SPN: variants seen among roughly 807,000 people sequenced by gnomAD.
The protein encoded by SPN is leukosialin.
SPN carries 6 observed loss-of-function variants against 8.4 expected under a neutral mutation model. The ratio of observed to expected loss-of-function variants is 0.72; its 90% CI spans 0.39 to 1.42. The LOEUF is 1.42. Among genes scored for constraint, SPN ranks in the 40% most tolerant of loss-of-function variants. SPN has a pLI of 0.02. For synonymous variants in SPN, 201 were observed against 222.6 expected, an observed-to-expected ratio of 0.90 and a Z score of 0.86; for missense variants, 517 against 530.6, an observed-to-expected ratio of 0.97 and a Z score of 0.25.
chr16:29,663,858 A>G lies in SPN; in HGVS notation c.130A>G (p.Met44Val). The G allele has an allele frequency of 6.2e-7, 1 of 1,614,118 alleles. No homozygotes were observed. Among genetic ancestry groups the G allele is most frequent in the African/African-American group, 1.3e-5 (1 of 75,024 alleles). The change falls in exon 2 of 2, where the codon ATG (methionine) becomes GTG (valine). Residue 44 changes from methionine (M) to valine (V), a missense_variant. Met to Val is a conservative substitution (Grantham distance 21). Transcript: ENST00000652691. The surrounding 1 kb of genome is among the most constrained non-coding windows in gnomAD (Gnocchi z 4.3). ...VSTSEPLSSK[M>V]YTTSITSDPK... The stretch of plus-strand genomic sequence containing the variant: ...TACTAGCGAGCCCCTGAGCTCAAAG[A>G]TGTACACCACTTCAATAACAAGTGA...
Position 29,664,343 on chromosome 16 carries a change from T to C in SPN, c.615T>C (p.Val205=), listed in dbSNP as rs374084937. The C allele has an allele frequency of 1.2e-6, 2 of 1,613,476 alleles. No individual in the cohort carries two copies. The highest frequency in any genetic ancestry group is 1.7e-6 in the Non-Finnish European group (2 of 1,179,990). The change falls in exon 2 of 2, where the codon GTT becomes GTC. Residue 205 remains valine, a synonymous_variant. Transcript: ENST00000652691. The surrounding 1 kb of genome is among the most constrained non-coding windows in gnomAD (Gnocchi z 6.4). ...CCACTGGGACCACTGGACCCCCTGT[T>C]ACCATGACAACTGGCTCTCTGGAGC... is the stretch of plus-strand genomic sequence containing the variant. ...ETSTGTTGPP[V]TMTTGSLEPS... is the part of the protein sequence containing the mutation.
Position 29,666,560 on chromosome 16 carries a change from GCGCGCGCGCT to G in SPN, c.*1631_*1640del, listed in dbSNP as rs1966819047. 1 of 220,262 alleles carries G rather than the reference GCGCGCGCGCT, an allele frequency of 4.5e-6. No individual in the cohort carries two copies. Among genetic ancestry groups the G allele is most frequent in the South Asian group, 7.4e-5 (1 of 13,444 alleles). The allele number at this position is 220,262 out of a possible 1,614,324, so 13.6% of individuals were successfully genotyped here. ...CACACACACACACACACACGCGCGC[GCGCGCGCGCT>G]CTCCTGCGAACAGAGGCAGGGGGAG... On this transcript the variant is annotated 3_prime_UTR_variant, in exon 2 of 2. Transcript: ENST00000652691.
rs1412865193 is a variant in SPN at position 29,664,058 on chromosome 16, T to C, written c.330T>C (p.Pro110=). 23 of 1,613,780 alleles carry C rather than the reference T, an allele frequency of 1.4e-5. No homozygotes were observed. Among genetic ancestry groups the C allele is most frequent in the Non-Finnish European group, 1.9e-5 (22 of 1,179,984 alleles). ...IKMSSVPQET[P]HATSHPAVPI... is the part of the protein sequence containing the mutation. ...TGTCATCAGTGCCCCAGGAAACCCC[T>C]CATGCAACCAGTCATCCTGCTGTTC... Residue 110 remains proline (P), a synonymous_variant, in exon 2 of 2, where the codon CCT becomes CCC. Coordinates refer to ENST00000652691, the MANE Select transcript of SPN (RefSeq NM_003123.6). The surrounding 1 kb of genome is among the most constrained non-coding windows in gnomAD (Gnocchi z 6.4).
In SPN at chr16:29,668,441, TG is replaced by T. The variant is rs1966839941; in HGVS notation, c.*3511del. 6.6e-6 allele frequency: 1 copy of T among 152,028 alleles called. No individual in the cohort carries two copies. Among genetic ancestry groups the T allele is most frequent in the Admixed American group, 6.6e-5 (1 of 15,218 alleles). The allele number at this position is 152,028 out of a possible 1,614,324, so 9.4% of individuals were successfully genotyped here. On this transcript the variant is annotated 3_prime_UTR_variant, in exon 2 of 2. Coordinates refer to ENST00000652691, the MANE Select transcript of SPN (RefSeq NM_003123.6). The stretch of plus-strand genomic sequence containing the variant: ...TTGAATGAATGAATGAATGAATGAA[TG>T]AATGAATGGAGATGACGCCTCAGAG...
Position 29,670,359 on chromosome 16 carries a change from T to G in SPN, c.*5428T>G, listed in dbSNP as rs556201391. The G allele has an allele frequency of 2.3e-4, 36 of 156,568 alleles. No homozygotes were observed. Among genetic ancestry groups the G allele is most frequent in the African/African-American group, 8.4e-4 (35 of 41,488 alleles). The allele number at this position is 156,568 out of a possible 1,614,324, so 9.7% of individuals were successfully genotyped here. A position where few individuals can be genotyped will look rare whatever the true frequency, so the allele number is the denominator to read the frequency against. On this transcript the variant is annotated 3_prime_UTR_variant, in exon 2 of 2. Transcript: ENST00000652691. ...CAAAAATTAGCCAGGCGTGGTGGCA[T>G]GCCCCCGTAATCCCAGCTACTTGGG...
chr16:29,667,254 G>C lies in SPN; in HGVS notation c.*2323G>C, dbSNP rs1354520608. 2 of 308,598 alleles carry C rather than the reference G, an allele frequency of 6.5e-6. No homozygotes were observed. Among genetic ancestry groups the C allele is most frequent in the East Asian group, 8.0e-5 (1 of 12,428 alleles). The allele number at this position is 308,598 out of a possible 1,614,324, so 19.1% of individuals were successfully genotyped here. A position where few individuals can be genotyped will look rare whatever the true frequency, so the allele number is the denominator to read the frequency against. Reference sequence around the variant, plus strand: ...ATCCCTTAGAGACACTGTTGTCTTAGAGTTGTTAAAATAAGAGCCCCCATA... The same window carrying C: ...ATCCCTTAGAGACACTGTTGTCTTACAGTTGTTAAAATAAGAGCCCCCATA... On this transcript the variant is annotated 3_prime_UTR_variant, in exon 2 of 2. Transcript: ENST00000652691.
At position 29,666,980 on chromosome 16, in the gene SPN, G is replaced by A; in HGVS notation, c.*2049G>A. ...AAAGACAGGGGAGGCATGTGAGTGTGACAGCCCTGCTCTGTGGCCTGGGCA... is the reference window on the plus strand; with the variant it reads ...AAAGACAGGGGAGGCATGTGAGTGTAACAGCCCTGCTCTGTGGCCTGGGCA... On this transcript the variant is annotated 3_prime_UTR_variant, in exon 2 of 2. Transcript: ENST00000652691. The A allele has an allele frequency of 2.1e-6, 1 of 470,932 alleles. No individual in the cohort carries two copies. Among genetic ancestry groups the A allele is most frequent in the Non-Finnish European group, 4.4e-6 (1 of 226,902 alleles). The allele number at this position is 470,932 out of a possible 1,614,324, so 29.2% of individuals were successfully genotyped here.
In SPN at chr16:29,664,115, C is replaced by G. The variant is rs139180392; in HGVS notation, c.387C>G (p.Thr129=). ...CAGCAAACTCTCTAGGATCCCACAC[C>G]GTGACAGGTGGAACCATAACAACGA... The part of the protein sequence containing the change: ...PITANSLGSH[T]VTGGTITTNS... Residue 129 remains threonine (T), a synonymous_variant, in exon 2 of 2, where the codon ACC becomes ACG. Coordinates refer to ENST00000652691, the MANE Select transcript of SPN (RefSeq NM_003123.6). The surrounding 1 kb of genome is among the most constrained non-coding windows in gnomAD (Gnocchi z 6.4). 8.8e-4 allele frequency: 1,421 copies of G among 1,614,120 alleles called. 1 individual carries two copies. Among genetic ancestry groups the G allele is most frequent in the Non-Finnish European group, 1.1e-3 (1,286 of 1,180,010 alleles).
chr16:29,670,872 A>G lies in SPN; in HGVS notation c.*5941A>G, dbSNP rs1966851154. The stretch of plus-strand genomic sequence containing the variant: ...AATATCTGTTACTTTTACAATATGA[A>G]AAAATAGTGGTCAAAAAGGTGTTCA... On this transcript the variant is annotated 3_prime_UTR_variant, in exon 2 of 2. Transcript: ENST00000652691. 1 of 450,720 alleles carries G rather than the reference A, an allele frequency of 2.2e-6. No individual in the cohort carries two copies. The highest frequency in any genetic ancestry group is 7.0e-5 in the East Asian group (1 of 14,306). The allele number at this position is 450,720 out of a possible 1,614,324, so 27.9% of individuals were successfully genotyped here.
rs779504783 is a variant in SPN at position 29,664,620 on chromosome 16, G to A, written c.892G>A (p.Gly298Arg). 9 of 1,594,004 alleles carry A rather than the reference G, an allele frequency of 5.6e-6. No individual in the cohort carries two copies. The highest frequency in any genetic ancestry group is 5.4e-5 in the African/African-American group (4 of 74,524). Reference sequence around the variant, plus strand: ...GCTGAGCAGAGGCGGCAAGCGTAACGGGGTGGTGGACGCCTGGGCTGGGCC... The same window carrying A: ...GCTGAGCAGAGGCGGCAAGCGTAACAGGGTGGTGGACGCCTGGGCTGGGCC... ...LVLSRGGKRN[G>R]VVDAWAGPAQ... is the part of the protein sequence containing the mutation. Residue 298 changes from glycine (G) to arginine (R), a missense_variant, in exon 2 of 2, where the codon GGG (glycine) becomes AGG (arginine). Transcript: ENST00000652691. This position sits in a 1 kb window ranked among gnomAD's most constrained non-coding sequence, Gnocchi z 6.4.
Position 29,663,734 on chromosome 16 carries a change from C to A in SPN, c.6C>A (p.Ala2=). The A allele has an allele frequency of 6.4e-7, 1 of 1,557,816 alleles. No individual in the cohort carries two copies. The highest frequency in any genetic ancestry group is 1.2e-5 in the South Asian group (1 of 83,428). ...TCCTGCCTGTTTGCCTGGAAATGGC[C>A]ACGCTTCTCCTTCTCCTTGGGGTGC... M[A]TLLLLLGVLV... Residue 2 remains alanine, a synonymous_variant, in exon 2 of 2, where the codon GCC becomes GCA. Transcript: ENST00000652691. The surrounding 1 kb of genome is among the most constrained non-coding windows in gnomAD (Gnocchi z 4.3).
In SPN at chr16:29,664,431, A is replaced by G; in HGVS notation, c.703A>G (p.Thr235Ala). ...AAAACTATCTACAATGATGTCTCCA[A>G]CGACCTCCACCAACGCAAGCACTGT... is the stretch of plus-strand genomic sequence containing the variant. The part of the protein sequence containing the change: ...SVKLSTMMSP[T>A]TSTNASTVPF... The change falls in exon 2 of 2, where the codon ACG becomes GCG. Residue 235 changes from threonine to alanine, a missense_variant. Transcript: ENST00000652691. This position sits in a 1 kb window ranked among gnomAD's most constrained non-coding sequence, Gnocchi z 6.4. 1 of 1,614,182 alleles carries G rather than the reference A, an allele frequency of 6.2e-7. No homozygotes were observed. Among genetic ancestry groups the G allele is most frequent in the Non-Finnish European group, 8.5e-7 (1 of 1,180,026 alleles).
chr16:29,664,604 A>G lies in SPN; in HGVS notation c.876A>G (p.Arg292=), dbSNP rs1188887354. 1 of 1,606,300 alleles carries G rather than the reference A, an allele frequency of 6.2e-7. No homozygotes were observed. ...KRRTGALVLS[R]GGKRNGVVDA... ...GGACTGGGGCCCTCGTGCTGAGCAG[A>G]GGCGGCAAGCGTAACGGGGTGGTGG... is the stretch of plus-strand genomic sequence containing the variant. Residue 292 remains arginine (R), a synonymous_variant, in exon 2 of 2, where the codon AGA becomes AGG. Transcript: ENST00000652691. The surrounding 1 kb of genome is among the most constrained non-coding windows in gnomAD (Gnocchi z 6.4).
Position 29,670,050 on chromosome 16 carries a change from A to C in SPN, c.*5119A>C, listed in dbSNP as rs1357456649. ...CAAAAAATTTGAAATATGAAAAATT[A>C]GCCAGGTGTAGTGGTGTGCGCCTGT... is the stretch of plus-strand genomic sequence containing the variant. On this transcript the variant is annotated 3_prime_UTR_variant, in exon 2 of 2. Transcript: ENST00000652691. 1 of 166,670 alleles carries C rather than the reference A, an allele frequency of 6.0e-6. No homozygotes were observed. Among genetic ancestry groups the C allele is most frequent in the Non-Finnish European group, 1.5e-5 (1 of 68,144 alleles). The allele number at this position is 166,670 out of a possible 1,614,324, so 10.3% of individuals were successfully genotyped here.
In SPN at chr16:29,664,513, T is replaced by C. The variant is rs751642224; in HGVS notation, c.785T>C (p.Val262Ala). 3 of 1,614,166 alleles carry C rather than the reference T, an allele frequency of 1.9e-6. No individual in the cohort carries two copies. The South Asian group carries it at 3.3e-5, about 18-fold the overall frequency. Reference sequence around the variant, plus strand: ...GGCATGCTGCCAGTGGCTGTGCTTGTGGCCCTGCTGGCGGTCATAGTCCTC... The same window carrying C: ...GGCATGCTGCCAGTGGCTGTGCTTGCGGCCCTGCTGGCGGTCATAGTCCTC... ...SRGMLPVAVL[V>A]ALLAVIVLVA... The change falls in exon 2 of 2, where the codon GTG (valine) becomes GCG (alanine). Residue 262 changes from valine (V) to alanine (A), a missense_variant. Transcript: ENST00000652691. This position sits in a 1 kb window ranked among gnomAD's most constrained non-coding sequence, Gnocchi z 6.4.
rs1190821616 is a variant in SPN, at chr16:29,666,546, A to ACG, written c.*1616_*1617insGC. ...CTCTCACACACACACACACACACACACACACACGCGCGCGCGCGCGCGCTC... is the reference window on the plus strand; with the variant it reads ...CTCTCACACACACACACACACACACACGCACACACGCGCGCGCGCGCGCGCTC... On this transcript the variant is annotated 3_prime_UTR_variant, in exon 2 of 2. Coordinates refer to ENST00000652691, the MANE Select transcript of SPN (RefSeq NM_003123.6). 5.1e-5 allele frequency: 10 copies of ACG among 194,202 alleles called. No individual in the cohort carries two copies. Among genetic ancestry groups the ACG allele is most frequent in the Admixed American group, 1.4e-4 (2 of 14,630 alleles). The allele number at this position is 194,202 out of a possible 1,614,324, so 12.0% of individuals were successfully genotyped here. A position where few individuals can be genotyped will look rare whatever the true frequency, so the allele number is the denominator to read the frequency against.
Position 29,663,736 on chromosome 16 carries a change from C to A in SPN, c.8C>A (p.Thr3Lys). 6.4e-7 allele frequency: 1 copy of A among 1,564,306 alleles called. No homozygotes were observed. Among genetic ancestry groups the A allele is most frequent in the Non-Finnish European group, 8.6e-7 (1 of 1,157,018 alleles). Residue 3 changes from threonine (T) to lysine (K), a missense_variant, in exon 2 of 2, where the codon ACG becomes AAG. Physicochemically the swap from Thr to Lys is moderately conservative, Grantham distance 78. Transcript: ENST00000652691. The surrounding 1 kb of genome is among the most constrained non-coding windows in gnomAD (Gnocchi z 4.3). MA[T>K]LLLLLGVLVV... ...CTGCCTGTTTGCCTGGAAATGGCCA[C>A]GCTTCTCCTTCTCCTTGGGGTGCTG...
At position 29,665,726 on chromosome 16, in the gene SPN, T is replaced by TA. The variant is rs1966800463; in HGVS notation, c.*796dup. The TA allele has an allele frequency of 6.0e-6, 1 of 167,084 alleles. No homozygotes were observed. Among genetic ancestry groups the TA allele is most frequent in the South Asian group, 2.1e-4 (1 of 4,836 alleles). 10.4% of individuals were successfully genotyped at this position (167,084 alleles called of 1,614,324 possible). On this transcript the variant is annotated 3_prime_UTR_variant, in exon 2 of 2. Coordinates refer to ENST00000652691, the MANE Select transcript of SPN (RefSeq NM_003123.6). The stretch of plus-strand genomic sequence containing the variant: ...AACTTTGTAAAGCACCCTTGCCCTG[T>TA]AGCTGCAAGGGCTGTGGAACCTGGG...
At position 29,669,886 on chromosome 16, in the gene SPN, AAAG is replaced by A. The variant is rs1966843990; in HGVS notation, c.*4956_*4958del. Reference sequence around the variant, plus strand: ...TAAAAAACTCCATCTCAAAAAAAAAAAAGGAGATAGAGCAAGGAACAGTAAGAA... The same window carrying A: ...TAAAAAACTCCATCTCAAAAAAAAAAGAGATAGAGCAAGGAACAGTAAGAA... On this transcript the variant is annotated 3_prime_UTR_variant, in exon 2 of 2. Coordinates refer to ENST00000652691, the MANE Select transcript of SPN (RefSeq NM_003123.6). The A allele has an allele frequency of 6.1e-6, 1 of 164,862 alleles. No homozygotes were observed. The highest frequency in any genetic ancestry group is 1.5e-5 in the Non-Finnish European group (1 of 67,568). The allele number at this position is 164,862 out of a possible 1,614,324, so 10.2% of individuals were successfully genotyped here.
Sources: gnomAD v4.1 joint callset for allele counts on GRCh38, gnomAD v4.1.1 for gene constraint, Gnocchi (gnomAD v3.1) non-coding constraint, MANE v1.5 for transcripts, NCBI Gene and HGNC (gene_info 2026-07-23, HGNC 2026-07-21) for gene names.